The following PSPC1 variants were observed in gnomAD, a reference collection of about 807,000 sequenced individuals.
PSPC1 encodes the protein paraspeckle protein 1.
In PSPC1, 14 loss-of-function variants were observed where a neutral mutation model predicts 51.6. The observed-to-expected ratio is 0.27, with a 90% CI of 0.18 to 0.42. The LOEUF is 0.42. Ranked by LOEUF, PSPC1 falls within the 10% of genes least tolerant of loss-of-function variation. PSPC1 has a pLI of 1.00. For synonymous variants in PSPC1, 193 were observed against 231.9 expected (o/e 0.83, Z 1.53); for missense variants, 406 against 701.1 (o/e 0.58, Z 4.75).
At chr13:19,777,829 C>G (rs1289126112) in intron 1 of PSPC1, among the ~76,000 whole-genome samples, 1 of 152,058 alleles carries the variant, frequency 6.6e-6, no homozygotes, top group African/African-American at 2.4e-5. Context: ...ACCTGTAGTC[C>G]CAGCTACTCA....
chr13:19,737,917 C>T (rs1885016678), intron 5 of PSPC1, among the ~76,000 whole-genome samples: 1 of 151,996 alleles, frequency 6.6e-6, no homozygotes, highest in Admixed American at 6.6e-5. Context: ...ATAATCCCAT[C>T]TCTATAAAAA....
intron 2 of PSPC1, among the ~76,000 whole-genome samples, chr13:19,767,859 A>T (rs1297045805): frequency 6.6e-6 from 1 of 152,186 alleles, no homozygotes; most frequent in East Asian, 1.9e-4. Context: ...CATACAAGAA[A>T]AAAATTGATG....
At chr13:19,704,212 C>G (rs1055552798) in intron 8 of PSPC1, among the ~76,000 whole-genome samples, 1 of 152,260 alleles carries the variant, frequency 6.6e-6, no homozygotes, top group African/African-American at 2.4e-5. Flanking sequence ...TAAGTTTTTA[C>G]TAGCTTTCAA....
chr13:19,764,861 G>A (rs1367293080), intron 2 of PSPC1, among the ~76,000 whole-genome samples: 2 of 151,778 alleles, frequency 1.3e-5, no homozygotes, highest in East Asian at 1.9e-4. Flanking sequence ...AGCCTCCCAC[G>A]TACCTGGGAC....
intron 3 of PSPC1, among the ~76,000 whole-genome samples, chr13:19,757,858 G>A (rs1887234541): frequency 6.6e-6 from 1 of 152,184 alleles, no homozygotes; most frequent in African/African-American, 2.4e-5. Flanking sequence ...AGAGGAAAGG[G>A]AGGTGGGACA....
chr13:19,672,843 T>C (rs1383719331), downstream of PSPC1: 2 of 331,848 alleles, frequency 6.0e-6, no homozygotes, highest in Non-Finnish European at 1.2e-5. Flanking sequence ...CTCACACCTA[T>C]AATCCCAGCG....
At chr13:19,704,394 A>G (rs1473228502) in intron 8 of PSPC1, among the ~76,000 whole-genome samples, 1 of 152,220 alleles carries the variant, frequency 6.6e-6, no homozygotes, top group East Asian at 1.9e-4. Context: ...AGCAAATAAA[A>G]TAATGATAAA....
chr13:19,777,566 G>A (rs1889296358), intron 1 of PSPC1, among the ~76,000 whole-genome samples: 2 of 151,738 alleles, frequency 1.3e-5, no homozygotes, highest in Admixed American at 6.6e-5. Context: ...TGAATTTTAA[G>A]GAAATTTCCA....
At chr13:19,736,289 A>G (rs1884773478) in intron 5 of PSPC1, among the ~76,000 whole-genome samples, 1 of 152,230 alleles carries the variant, frequency 6.6e-6, no homozygotes, top group South Asian at 2.1e-4. Context: ...CCGTCAAATT[A>G]TCACCTTATA....
downstream of PSPC1, chr13:19,672,944 T>A: frequency 2.6e-6 from 1 of 381,564 alleles, no homozygotes; most frequent in South Asian, 2.0e-5. Flanking sequence ...TAGTCCCAGA[T>A]ACTCAGGAGG....
chr13:19,780,833 T>C (rs1474310695), intron 1 of PSPC1, among the ~76,000 whole-genome samples: 2 of 152,144 alleles, frequency 1.3e-5, no homozygotes, highest in African/African-American at 2.4e-5. Flanking sequence ...AAAGATTTTG[T>C]ATCGTCCAGA....
chr13:19,776,520 T>G (rs1251477294), intron 1 of PSPC1, among the ~76,000 whole-genome samples: 1 of 151,802 alleles, frequency 6.6e-6, no homozygotes, highest in Non-Finnish European at 1.5e-5. Context: ...TATGCAAATT[T>G]TTTTTTTTTT....
intron 1 of PSPC1, among the ~76,000 whole-genome samples, chr13:19,779,849 C>A (rs1593797782): frequency 1.9e-5 from 2 of 107,952 alleles, no homozygotes; most frequent in Non-Finnish European, 3.9e-5. Flanking sequence ...CCGCCCCATC[C>A]GGGAGGGAGG....
intron 3 of PSPC1, among the ~76,000 whole-genome samples, chr13:19,753,535 T>C (rs1886778425): frequency 6.6e-6 from 1 of 152,214 alleles, no homozygotes; most frequent in Non-Finnish European, 1.5e-5. Context: ...CAGCCAACTT[T>C]CAAGAAATTT....
chr13:19,676,426 A>G (rs1876642015), intron 7 of PSPC1, among the ~76,000 whole-genome samples: 1 of 152,208 alleles, frequency 6.6e-6, no homozygotes, highest in South Asian at 2.1e-4. Flanking sequence ...AGAGCTGGGT[A>G]CAGTATGCAA....
At position 19,782,855 on chromosome 13, in the gene PSPC1, A is replaced by C; in HGVS notation, c.-98T>G. The C allele has an allele frequency of 7.6e-7, 1 of 1,312,912 alleles. No homozygotes were observed. The highest frequency in any genetic ancestry group is 9.8e-7 in the Non-Finnish European group (1 of 1,019,962). 81.3% of individuals were successfully genotyped at this position (1,312,912 alleles called of 1,614,324 possible). A position where few individuals can be genotyped will look rare whatever the true frequency, so the allele number is the denominator to read the frequency against. On this transcript the variant is annotated 5_prime_UTR_variant, in exon 1 of 9. The change creates a new upstream start codon in the 5' untranslated region. Coordinates refer to ENST00000338910, the MANE Select transcript of PSPC1 (RefSeq NM_001354909.2). This position sits in a 1 kb window ranked among gnomAD's most constrained non-coding sequence, Gnocchi z 4.5. The stretch of plus-strand genomic sequence containing the variant: ...TCTCTACATAAACCTATGCCAACAA[A>C]ATATCGACAATCAAGAGACCGCTAG...
At chr13:19,767,612 G>A (rs779399778) in intron 2 of PSPC1, among the ~76,000 whole-genome samples, 5 of 151,826 alleles carry the variant, frequency 3.3e-5, no homozygotes, top group Non-Finnish European at 5.9e-5. Context: ...TTTTGGAACT[G>A]ACAAACTGGT....
chr13:19,710,251 TAC>T (rs1881225773), intron 6 of PSPC1, among the ~76,000 whole-genome samples: 1 of 152,164 alleles, frequency 6.6e-6, no homozygotes, highest in African/African-American at 2.4e-5. Flanking sequence ...ATGAAAGTAT[TAC>T]ACAGTTAACT....
At chr13:19,780,165 C>T (rs1488351679) in intron 1 of PSPC1, among the ~76,000 whole-genome samples, 2 of 88,714 alleles carry the variant, frequency 2.3e-5, no homozygotes, top group African/African-American at 3.2e-5. Context: ...CCCGGCCAGC[C>T]GCCCCGTCCG....
Sources: gnomAD v4.1 joint callset for allele counts (sites outside exome capture counted in the v4.1 genomes callset) on GRCh38, gnomAD v4.1.1 for gene constraint, Gnocchi (gnomAD v3.1) non-coding constraint, MANE v1.5 for transcripts, NCBI Gene and HGNC (gene_info 2026-07-23, HGNC 2026-07-21) for gene names.